The following KALRN variants were observed in gnomAD, a reference collection of about 807,000 sequenced individuals.
KALRN encodes kalirin.
In KALRN, 70 loss-of-function variants were observed where a neutral mutation model predicts 353.7. The ratio of observed to expected loss-of-function variants is 0.20; its 90% confidence interval spans 0.16 to 0.24. The LOEUF is 0.24. Ranked by LOEUF, KALRN falls within the 10% of genes least tolerant of loss-of-function variation. The probability of loss-of-function intolerance (pLI) is 1.00; values close to 1 mark genes in which losing one functional copy is unlikely to be tolerated. For synonymous variants in KALRN, 1,391 were observed against 1,434.8 expected (o/e 0.97, Z 0.69); for missense variants, 2,791 against 3,756.7 (o/e 0.74, Z 6.72).
intron 6 of KALRN, among the ~76,000 whole-genome samples, chr3:124,318,576 A>G (rs1016065423): frequency 6.6e-5 from 10 of 152,202 alleles, no homozygotes; most frequent in Non-Finnish European, 1.5e-4. Context: ...AGTAATACAT[A>G]TGGTGTTATT....
chr3:124,220,280 T>C (rs988970962), intron 1 of KALRN, among the ~76,000 whole-genome samples: 4 of 152,148 alleles, frequency 2.6e-5, no homozygotes, highest in Non-Finnish European at 4.4e-5. Flanking sequence ...AAGGAACATA[T>C]TTATAGTCAC....
chr3:124,126,421 G>C (rs2064680137), intron 1 of KALRN, among the ~76,000 whole-genome samples: 2 of 152,042 alleles, frequency 1.3e-5, no homozygotes, highest in Non-Finnish European at 2.9e-5. Flanking sequence ...AATATTTGAG[G>C]CTTCTTCCTG....
intron 34 of KALRN, among the ~76,000 whole-genome samples, chr3:124,605,654 C>A (rs952210019): frequency 6.6e-6 from 1 of 151,314 alleles, no homozygotes; most frequent in Non-Finnish European, 1.5e-5. Flanking sequence ...AAATGGGGCC[C>A]AAAACTGTGT....
intron 1 of KALRN, among the ~76,000 whole-genome samples, chr3:124,189,776 A>G (rs954066908): frequency 3.9e-5 from 6 of 151,992 alleles, no homozygotes; most frequent in Non-Finnish European, 1.5e-5. Flanking sequence ...CATCTCTACT[A>G]AAAAATACAA....
In KALRN at chr3:124,159,084, G is replaced by GT. The variant is rs542365497; in HGVS notation, c.74-68905dup. ...GAAACCCACCATCTAGTCAGATGGG[G>GT]TCTTCTCATAGTCCCCTAAAAATTC... On this transcript the variant is annotated intron_variant, in intron 1 of 59. Transcript: ENST00000682506. 3.8e-3 allele frequency among the ~76,000 whole-genome samples: 577 copies of GT among 152,232 alleles called. 2 individuals carry two copies. Among genetic ancestry groups the GT allele is most frequent in the African/African-American group, 0.013 (546 of 41,532 alleles).
intron 34 of KALRN, among the ~76,000 whole-genome samples, chr3:124,575,514 T>C (rs913248501): frequency 1.3e-5 from 2 of 152,198 alleles, no homozygotes; most frequent in Admixed American, 6.5e-5. Context: ...CTGTAACAAA[T>C]TACCATGAAC....
chr3:124,698,840 A>G (rs1221846363), intron 55 of KALRN, among the ~76,000 whole-genome samples: 1 of 152,240 alleles, frequency 6.6e-6, no homozygotes, highest in South Asian at 2.1e-4. Flanking sequence ...AAGTGAATAT[A>G]TTTCTTCAGC....
chr3:124,304,015 A>G (rs2077473412), intron 6 of KALRN, among the ~76,000 whole-genome samples: 1 of 152,074 alleles, frequency 6.6e-6, no homozygotes. Flanking sequence ...CCTTGCCCCA[A>G]GCCCTCTGTC....
At chr3:124,466,034 CTGTGTGTG>C (rs10639598) in intron 25 of KALRN, among the ~76,000 whole-genome samples, 18,569 of 147,288 alleles carry the variant, frequency 0.13, 1,207 homozygotes, top group Middle Eastern at 0.15. Flanking sequence ...CTCTCTTGCT[CTGTGTGTG>C]TGTGTGTGTG....
intron 34 of KALRN, among the ~76,000 whole-genome samples, chr3:124,629,864 G>T (rs985612159): frequency 1.3e-5 from 2 of 151,226 alleles, no homozygotes; most frequent in African/African-American, 4.9e-5. Flanking sequence ...TCTATGTATA[G>T]CTAGGTAAGA....
intron 1 of KALRN, among the ~76,000 whole-genome samples, chr3:124,109,238 T>C (rs1282215481): frequency 6.6e-6 from 1 of 152,144 alleles, no homozygotes; most frequent in Non-Finnish European, 1.5e-5. Flanking sequence ...ACTGATTGTA[T>C]GTTGCAATTT....
intron 34 of KALRN, among the ~76,000 whole-genome samples, chr3:124,584,209 G>A (rs1238368898): frequency 1.3e-4 from 20 of 152,118 alleles, no homozygotes; most frequent in Admixed American, 1.3e-3. Flanking sequence ...TTGGAGAGCT[G>A]ATCAATATGA....
At chr3:124,131,806 C>T (rs1381127121) in intron 1 of KALRN, among the ~76,000 whole-genome samples, 1 of 152,120 alleles carries the variant, frequency 6.6e-6, no homozygotes, top group African/African-American at 2.4e-5. Context: ...GTGAACAGTG[C>T]CCTGTTTAGA....
intron 6 of KALRN, among the ~76,000 whole-genome samples, chr3:124,308,431 C>T (rs560902720): frequency 6.6e-6 from 1 of 151,858 alleles, no homozygotes; most frequent in South Asian, 2.1e-4. Flanking sequence ...AAAAAACAAA[C>T]CTCATGAAAT....
At chr3:124,253,021 T>A (rs1235794676) in intron 3 of KALRN, among the ~76,000 whole-genome samples, 1 of 152,250 alleles carries the variant, frequency 6.6e-6, no homozygotes, top group South Asian at 2.1e-4. Context: ...ATTAGAGAAC[T>A]TAAAGCAGGT....
chr3:124,706,196 C>T (rs183525249), intron 57 of KALRN, among the ~76,000 whole-genome samples: 4 of 152,220 alleles, frequency 2.6e-5, no homozygotes, highest in Admixed American at 6.5e-5. Flanking sequence ...CATAATCCAC[C>T]GTGCCTGGCC....
intron 33 of KALRN, among the ~76,000 whole-genome samples, chr3:124,517,397 T>C (rs1403374872): frequency 6.6e-6 from 1 of 152,156 alleles, no homozygotes; most frequent in Non-Finnish European, 1.5e-5. Context: ...CTCATTTCCA[T>C]GCGGCAAGTG....
Position 124,328,240 on chromosome 3 carries a change from A to G in KALRN, c.1285-1621A>G, listed in dbSNP as rs369607319. Among the ~76,000 whole-genome samples the G allele has an allele frequency of 2.0e-4, 30 of 152,284 alleles. No individual in the cohort carries two copies. The East Asian group carries it at 3.3e-3, about 17-fold the overall frequency. On this transcript the variant is annotated intron_variant, in intron 7 of 59. Coordinates refer to ENST00000682506, the MANE Select transcript of KALRN (RefSeq NM_001388419.1). ...AAGGTTGTTGGTGGTAGTGACTGAT[A>G]GTGACTGGTTCATTCTTAGGGCCAT...
intron 1 of KALRN, among the ~76,000 whole-genome samples, chr3:124,046,331 C>T (rs1188232448): frequency 6.6e-6 from 1 of 152,160 alleles, no homozygotes; most frequent in Non-Finnish European, 1.5e-5. Flanking sequence ...GAGGTTATCT[C>T]TGGAATGGAT....
Sources: gnomAD v4.1 joint callset for allele counts (sites outside exome capture counted in the v4.1 genomes callset) on GRCh38, gnomAD v4.1.1 for gene constraint, MANE v1.5 for transcripts, NCBI Gene and HGNC (gene_info 2026-07-23, HGNC 2026-07-21) for gene names.